The following TFRC variants were observed in gnomAD, a reference collection of about 807,000 sequenced individuals.
The protein encoded by TFRC is transferrin receptor protein 1.
In TFRC, 35 loss-of-function variants were observed where a neutral mutation model predicts 85.8. The ratio of observed to expected loss-of-function variants is 0.41; its 90% CI spans 0.31 to 0.54. TFRC has a LOEUF of 0.54. Among genes scored for constraint, TFRC ranks in the 20% least tolerant of loss-of-function variants. The pLI is 0.31. For missense variants in TFRC, 828 were observed against 921.5 expected, an observed-to-expected ratio of 0.90 and a Z score of 1.31; for synonymous variants, 362 against 328.6, an observed-to-expected ratio of 1.10 and a Z score of -1.10.
chr3:196,080,898 C>T (rs2108662353), intron 1 of TFRC, among the ~76,000 whole-genome samples: 1 of 152,302 alleles, frequency 6.6e-6, no homozygotes, highest in Non-Finnish European at 1.5e-5. Flanking sequence ...CCTTAATTTT[C>T]ACAGTAAGCT....
intron 3 of TFRC, 55 bp downstream of exon 3, chr3:196,075,104 A>T: frequency 6.6e-7 from 1 of 1,518,144 alleles, no homozygotes; most frequent in Non-Finnish European, 9.1e-7. Flanking sequence ...CTGACATAAC[A>T]GACTTCCCAG....
rs544131120 is a variant in TFRC at position 196,061,283 on chromosome 3, G to A, written c.1469-1036C>T. ...TAACAGGATGTGAATTACTCTCTAA[G>A]TACCATTCTATATGGCATAGTTTAG... On this transcript the variant is annotated intron_variant, in intron 13 of 18. Coordinates refer to ENST00000360110, the MANE Select transcript of TFRC (RefSeq NM_001128148.3). Among the ~76,000 whole-genome samples, 8 of 152,276 alleles carry A rather than the reference G, an allele frequency of 5.3e-5. No individual in the cohort carries two copies. The East Asian group carries it at 1.5e-3, about 29-fold the overall frequency.
At chr3:196,058,547 T>C (rs767658682) in intron 15 of TFRC, 27 bp downstream of exon 15, 4 of 1,602,800 alleles carry the variant, frequency 2.5e-6, no homozygotes, top group Non-Finnish European at 3.4e-6. Context: ...TTTCTATTAG[T>C]TTGTTCATTC....
intron 10 of TFRC, among the ~76,000 whole-genome samples, chr3:196,064,913 A>G (rs2060110721): frequency 1.3e-5 from 2 of 152,216 alleles, no homozygotes; most frequent in African/African-American, 4.8e-5. Flanking sequence ...TTCTAGTCAT[A>G]ATGGTCAATT....
intron 8 of TFRC, 53 bp downstream of exon 8, chr3:196,067,979 C>T: frequency 6.9e-7 from 1 of 1,455,708 alleles, no homozygotes; most frequent in Non-Finnish European, 9.5e-7. Context: ...ATACAGGAAT[C>T]CAAGAACAAC....
At position 196,064,368 on chromosome 3, in the gene TFRC, C is replaced by T. The variant is rs1717536599; in HGVS notation, c.1259G>A (p.Gly420Asp). 1 of 1,613,832 alleles carries T rather than the reference C, an allele frequency of 6.2e-7. No individual in the cohort carries two copies. Among genetic ancestry groups the T allele is most frequent in the Non-Finnish European group, 8.5e-7 (1 of 1,179,914 alleles). ...DAWGPGAAKS[G>D]VGTALLLKLA... is the part of the protein sequence containing the mutation. ...TTTCAATAGGAGAGCTGTGCCTACA[C>T]CGGATTTTGCAGCTCCAGGGCCCCA... The change falls in exon 11 of 19, where the codon GGT becomes GAT. Residue 420 changes from glycine to aspartate, a missense_variant. Transcript: ENST00000360110.
intron 17 of TFRC, among the ~76,000 whole-genome samples, chr3:196,054,876 C>T (rs1716641502): frequency 1.3e-5 from 2 of 152,226 alleles, no homozygotes; most frequent in African/African-American, 4.8e-5. Flanking sequence ...GAAACACCTG[C>T]TGAGCTCTGT....
Position 196,062,297 on chromosome 3 carries a change from C to T in TFRC, c.1468+285G>A, listed in dbSNP as rs759520615. On this transcript the variant is annotated intron_variant, in intron 13 of 18. Coordinates refer to ENST00000360110, the MANE Select transcript of TFRC (RefSeq NM_001128148.3). ...GTGGCCCACATCTGTAATCCCAGGC[C>T]GAGGCAGGCAGATCGCCTGAGGTCA... 122 of 364,428 alleles carry T rather than the reference C, an allele frequency of 3.3e-4. 1 individual carries two copies. The highest frequency in any genetic ancestry group is 5.1e-4 in the Non-Finnish European group (102 of 200,556). 22.6% of individuals were successfully genotyped at this position (364,428 alleles called of 1,614,324 possible).
Position 196,050,738 on chromosome 3 carries a change from C to G in TFRC, c.*1204G>C, listed in dbSNP as rs1168509433. 1 of 204,652 alleles carries G rather than the reference C, an allele frequency of 4.9e-6. No individual in the cohort carries two copies. The highest frequency in any genetic ancestry group is 1.0e-5 in the Non-Finnish European group (1 of 99,678). 12.7% of individuals were successfully genotyped at this position (204,652 alleles called of 1,614,324 possible). On this transcript the variant is annotated 3_prime_UTR_variant, in exon 19 of 19. Transcript: ENST00000360110. ...GTGACATTGATTTATAACTTGGTCA[C>G]AATTCACTGCATTTAGGAAAACCAG...
rs1276505676 is a variant in TFRC, at chr3:196,051,269, G to A, written c.*673C>T. ...TTATGGGGGAAGGGACAGAGGAAAA[G>A]AAAATATACTAAGTCTTTGGCTTCT... On this transcript the variant is annotated 3_prime_UTR_variant, in exon 19 of 19. Coordinates refer to ENST00000360110, the MANE Select transcript of TFRC (RefSeq NM_001128148.3). The A allele has an allele frequency of 4.6e-6, 1 of 219,746 alleles. No individual in the cohort carries two copies. The highest frequency in any genetic ancestry group is 9.1e-6 in the Non-Finnish European group (1 of 109,312). 13.6% of individuals were successfully genotyped at this position (219,746 alleles called of 1,614,324 possible). A position where few individuals can be genotyped will look rare whatever the true frequency, so the allele number is the denominator to read the frequency against.
At chr3:196,067,224 C>G (rs576828571) in intron 9 of TFRC, among the ~76,000 whole-genome samples, 1 of 152,334 alleles carries the variant, frequency 6.6e-6, no homozygotes, top group East Asian at 1.9e-4. Flanking sequence ...CTATAGGCAT[C>G]GTGCTTCAGC....
Position 196,074,063 on chromosome 3 carries a change from G to C in TFRC, c.301C>G (p.Leu101Val), listed in dbSNP as rs377515204. 4 of 1,614,126 alleles carry C rather than the reference G, an allele frequency of 2.5e-6. No individual in the cohort carries two copies. Among genetic ancestry groups the C allele is most frequent in the Non-Finnish European group, 3.4e-6 (4 of 1,180,018 alleles). ...GVEPKTECER[L>V]AGTESPVREE... ...CTCACTGGAGACTCGGTTCCTGCCA[G>C]TCTCTCACACTCAGTTTTTGGTTCT... Residue 101 changes from leucine to valine, a missense_variant, in exon 4 of 19, where the codon CTG (leucine) becomes GTG (valine). By Grantham distance (32) the Leu-to-Val change is conservative. Transcript: ENST00000360110.
In TFRC at chr3:196,051,954, G is replaced by A; in HGVS notation, c.2271C>T (p.Asp757=). 1 of 1,614,154 alleles carries A rather than the reference G, an allele frequency of 6.2e-7. No homozygotes were observed. The highest frequency in any genetic ancestry group is 2.2e-5 in the East Asian group (1 of 44,890). The change falls in exon 19 of 19, where the codon GAC becomes GAT. Residue 757 remains aspartate (D), a synonymous_variant. Transcript: ENST00000360110. ...ATGGGTATCACATTTAAAACTCATTGTCAATGTCCCAAACGTCACCAGAGA... is the reference window on the plus strand; with the variant it reads ...ATGGGTATCACATTTAAAACTCATTATCAATGTCCCAAACGTCACCAGAGA... The part of the protein sequence containing the change: ...NALSGDVWDI[D]NEF
chr3:196,054,943 A>G, intron 17 of TFRC, 137 bp downstream of exon 17: 1 of 869,174 alleles, frequency 1.2e-6, no homozygotes, highest in Non-Finnish European at 1.8e-6. Flanking sequence ...CCAATTCTAC[A>G]TACAATTATA....
rs1429666907 is a variant in TFRC at position 196,073,917 on chromosome 3, AG to A, written c.434+12del. 3 of 1,607,956 alleles carry A rather than the reference AG, an allele frequency of 1.9e-6. No homozygotes were observed. The East Asian group carries it at 6.7e-5, about 36-fold the overall frequency. ...TTACTTGTCTAGATACTTGCACAGC[AG>A]CTGGCACTCACTTGATGGTGCCGGT... is the stretch of plus-strand genomic sequence containing the variant. On this transcript the variant is annotated intron_variant, in intron 4 of 18. Transcript: ENST00000360110.
intron 3 of TFRC, among the ~76,000 whole-genome samples, chr3:196,074,944 G>C (rs1318057127): frequency 6.6e-6 from 1 of 150,870 alleles, no homozygotes; most frequent in Non-Finnish European, 1.5e-5. Flanking sequence ...CTACTCAGGA[G>C]GCTAAGGCAG....
At chr3:196,052,723 G>A (rs1310269429) in intron 18 of TFRC, among the ~76,000 whole-genome samples, 1 of 152,116 alleles carries the variant, frequency 6.6e-6, no homozygotes, top group Non-Finnish European at 1.5e-5. Context: ...TTACAGGCAT[G>A]AGCCACTGTA....
chr3:196,054,406 T>C (rs774711318), intron 17 of TFRC, among the ~76,000 whole-genome samples: 1 of 151,040 alleles, frequency 6.6e-6, no homozygotes, highest in African/African-American at 2.4e-5. Flanking sequence ...ACTTCATCTC[T>C]CAAAAAAAAT....
chr3:196,054,979 T>C lies in TFRC; in HGVS notation c.1899+101A>G, dbSNP rs1282061490. On this transcript the variant is annotated intron_variant, in intron 17 of 18. Coordinates refer to ENST00000360110, the MANE Select transcript of TFRC (RefSeq NM_001128148.3). ...CCTCAGTTCACTTTAAAATGTACTA[T>C]GGCTACAATCACCCTTCCAACAGGA... The C allele has an allele frequency of 7.7e-6, 9 of 1,164,608 alleles. No individual in the cohort carries two copies. In the Admixed American group the frequency reaches 8.7e-5, roughly 11 times the overall value. 72.1% of individuals were successfully genotyped at this position (1,164,608 alleles called of 1,614,324 possible). A position where few individuals can be genotyped will look rare whatever the true frequency, so the allele number is the denominator to read the frequency against.
Sources: gnomAD v4.1 joint callset for allele counts (sites outside exome capture counted in the v4.1 genomes callset) on GRCh38, gnomAD v4.1.1 for gene constraint, MANE v1.5 for transcripts, NCBI Gene and HGNC (gene_info 2026-07-23, HGNC 2026-07-21) for gene names.